The following SGIP1 variants were observed in gnomAD, a reference collection of about 807,000 sequenced individuals.
SGIP1 encodes SH3GL interacting endocytic adaptor 1.
Under a neutral mutation model 107.5 loss-of-function variants are expected in SGIP1, and 38 were observed. The observed-to-expected ratio is 0.35, with a 90% CI of 0.27 to 0.46. The LOEUF is 0.46. Ranked by LOEUF, SGIP1 falls within the 20% of genes least tolerant of loss-of-function variation. SGIP1 has a pLI of 1.00. For missense variants in SGIP1, 929 were observed against 1,019.5 expected (o/e 0.91, Z 1.21); for synonymous variants, 365 against 366.1 (o/e 1.00, Z 0.03).
intron 1 of SGIP1, among the ~76,000 whole-genome samples, chr1:66,553,163 G>A (rs2057682882): frequency 6.6e-6 from 1 of 152,144 alleles, no homozygotes; most frequent in Admixed American, 6.5e-5. Flanking sequence ...AAAGCTGGGG[G>A]AATGGTGGCT....
At chr1:66,554,699 A>T (rs1359236700) in intron 1 of SGIP1, among the ~76,000 whole-genome samples, 1 of 152,158 alleles carries the variant, frequency 6.6e-6, no homozygotes. Flanking sequence ...TCTCATCCCC[A>T]AGATACCTCC....
At chr1:66,687,741 C>T (rs1428183941) in intron 15 of SGIP1, among the ~76,000 whole-genome samples, 1 of 152,102 alleles carries the variant, frequency 6.6e-6, no homozygotes, top group East Asian at 1.9e-4. Context: ...TAAGATCATA[C>T]ATGTAAAGTG....
chr1:66,574,498 G>A (rs2060792399), intron 1 of SGIP1, among the ~76,000 whole-genome samples: 1 of 152,042 alleles, frequency 6.6e-6, no homozygotes, highest in Admixed American at 6.6e-5. Flanking sequence ...TGTTTAATTA[G>A]GCACATGTGT....
chr1:66,560,326 T>C (rs564215919), intron 1 of SGIP1, among the ~76,000 whole-genome samples: 1 of 152,190 alleles, frequency 6.6e-6, no homozygotes, highest in African/African-American at 2.4e-5. Context: ...CTGTATGTTT[T>C]TCAGGCCCAC....
At chr1:66,571,012 A>ACC (rs1300181805) in intron 1 of SGIP1, among the ~76,000 whole-genome samples, 11 of 152,020 alleles carry the variant, frequency 7.2e-5, no homozygotes, top group African/African-American at 2.7e-4. Context: ...ATCTTAGTGT[A>ACC]ACTGTGAGTG....
chr1:66,724,459 C>G (rs553178685), intron 19 of SGIP1, among the ~76,000 whole-genome samples: 1 of 152,052 alleles, frequency 6.6e-6, no homozygotes, highest in Non-Finnish European at 1.5e-5. Context: ...TAGAAAATTT[C>G]AGGTCAATTT....
chr1:66,720,453 C>G lies in SGIP1; in HGVS notation c.1742+1048C>G, dbSNP rs368704111. On this transcript the variant is annotated intron_variant, in intron 19 of 24. Transcript: ENST00000371037. Reference sequence around the variant, plus strand: ...ATGACAATAAGAACTGGAGACTAGGCATGGTGGCTCACACCTGTAATTCCA... The same window carrying G: ...ATGACAATAAGAACTGGAGACTAGGGATGGTGGCTCACACCTGTAATTCCA... Among the ~76,000 whole-genome samples the G allele has an allele frequency of 4.9e-4, 74 of 152,270 alleles. No homozygotes were observed. In the South Asian group the frequency reaches 0.015, roughly 32 times the overall value.
At chr1:66,589,479 T>C (rs1434528818) in intron 1 of SGIP1, among the ~76,000 whole-genome samples, 1 of 151,970 alleles carries the variant, frequency 6.6e-6, no homozygotes, top group East Asian at 1.9e-4. Context: ...AAATTCAAAC[T>C]GTTGGCTTTT....
At chr1:66,581,572 T>G (rs2061827823) in intron 1 of SGIP1, among the ~76,000 whole-genome samples, 1 of 152,092 alleles carries the variant, frequency 6.6e-6, no homozygotes, top group Admixed American at 6.6e-5. Context: ...GAATTATTTA[T>G]GATTAAATCC....
At chr1:66,689,444 T>G (rs966647526) in intron 16 of SGIP1, among the ~76,000 whole-genome samples, 169 bp downstream of exon 16, 1 of 152,160 alleles carries the variant, frequency 6.6e-6, no homozygotes, top group Non-Finnish European at 1.5e-5. Context: ...CTCCTCAAAT[T>G]TCTACCATCT....
chr1:66,562,651 A>G (rs1217537839), intron 1 of SGIP1, among the ~76,000 whole-genome samples: 2 of 152,086 alleles, frequency 1.3e-5, no homozygotes, highest in African/African-American at 4.8e-5. Context: ...TTTTTTCTTT[A>G]GCAAAAATAC....
At chr1:66,653,610 C>T (rs2079147248) in intron 7 of SGIP1, among the ~76,000 whole-genome samples, 1 of 152,116 alleles carries the variant, frequency 6.6e-6, no homozygotes, top group Non-Finnish European at 1.5e-5. Flanking sequence ...AACATGATCA[C>T]CATGGTTGGA....
At chr1:66,603,939 G>C (rs998384065) in intron 1 of SGIP1, among the ~76,000 whole-genome samples, 1 of 152,048 alleles carries the variant, frequency 6.6e-6, no homozygotes, top group African/African-American at 2.4e-5. Flanking sequence ...ACTAAGAATC[G>C]GAAAAGAGTC....
At chr1:66,579,614 A>T (rs1472634721) in intron 1 of SGIP1, among the ~76,000 whole-genome samples, 3 of 152,218 alleles carry the variant, frequency 2.0e-5, no homozygotes, top group South Asian at 4.1e-4. Context: ...GTTCTAACAG[A>T]CTGCTTGTAA....
Position 66,669,083 on chromosome 1 carries a change from G to T in SGIP1, c.483+1542G>T, listed in dbSNP as rs148671285. On this transcript the variant is annotated intron_variant, in intron 9 of 24. Coordinates refer to ENST00000371037, the MANE Select transcript of SGIP1 (RefSeq NM_032291.4). ...GCTGCTGATCTTTCAAACATTTGTT[G>T]CTTTCTAAATTGATACTAGCTTTGT... Among the ~76,000 whole-genome samples, 658 of 152,302 alleles carry T rather than the reference G, an allele frequency of 4.3e-3. 4 individuals are homozygous for T. Among genetic ancestry groups the T allele is most frequent in the African/African-American group, 0.015 (630 of 41,578 alleles).
chr1:66,697,001 G>A (rs976374531), intron 18 of SGIP1, among the ~76,000 whole-genome samples: 2 of 151,954 alleles, frequency 1.3e-5, no homozygotes, highest in African/African-American at 2.4e-5. Flanking sequence ...AGATGATGCA[G>A]TTTACCTTCT....
At chr1:66,603,100 C>T (rs2066172074) in intron 1 of SGIP1, among the ~76,000 whole-genome samples, 1 of 152,076 alleles carries the variant, frequency 6.6e-6, no homozygotes, top group African/African-American at 2.4e-5. Context: ...ATGAATCAGT[C>T]CTAAAATAGA....
intron 18 of SGIP1, among the ~76,000 whole-genome samples, chr1:66,706,697 A>T (rs573793605): frequency 1.3e-5 from 2 of 152,092 alleles, no homozygotes; most frequent in South Asian, 4.1e-4. Flanking sequence ...AGGTATTTTT[A>T]AAAAGATCTA....
In SGIP1 at chr1:66,622,434, T is replaced by C. The variant is rs2071391309; in HGVS notation, c.11-3413T>C. ...TGTATTTTTGACACTATCACTATCA[T>C]CGATTTCCACATCTGTTACTTTATT... is the stretch of plus-strand genomic sequence containing the variant. On this transcript the variant is annotated intron_variant, in intron 1 of 24. Transcript: ENST00000371037. Among the ~76,000 whole-genome samples the C allele has an allele frequency of 9.9e-5, 15 of 152,218 alleles. No homozygotes were observed. In the South Asian group the frequency reaches 3.1e-3, roughly 32 times the overall value.
Sources: gnomAD v4.1 joint callset for allele counts (sites outside exome capture counted in the v4.1 genomes callset) on GRCh38, gnomAD v4.1.1 for gene constraint, MANE v1.5 for transcripts, NCBI Gene and HGNC (gene_info 2026-07-23, HGNC 2026-07-21) for gene names.